NID1: variants seen among roughly 807,000 people sequenced by gnomAD.
NID1 encodes nidogen 1.
In NID1, 76 loss-of-function variants were observed where a neutral mutation model predicts 130.6. That is an observed-to-expected ratio of 0.58 (90% confidence interval 0.48 to 0.70). NID1 has a LOEUF of 0.70. NID1 is among the 30% of genes least tolerant of loss of function. The probability of loss-of-function intolerance (pLI) is 0.00; values close to 1 mark genes in which losing one functional copy is unlikely to be tolerated. For missense variants in NID1, 1,517 were observed against 1,664.8 expected, an observed-to-expected ratio of 0.91 and a Z score of 1.54; for synonymous variants, 665 against 675.1, an observed-to-expected ratio of 0.98 and a Z score of 0.23.
At chr1:235,995,265 T>C (rs1315311319) in intron 12 of NID1, among the ~76,000 whole-genome samples, 2 of 152,254 alleles carry the variant, frequency 1.3e-5, no homozygotes, top group Non-Finnish European at 2.9e-5. Context: ...CTAGGTATTA[T>C]AAGTGATCTA....
chr1:235,991,092 G>C (rs757845906), intron 13 of NID1, 34 bp from the exon 14 acceptor site: 4 of 1,531,506 alleles, frequency 2.6e-6, no homozygotes, highest in African/African-American at 1.4e-5. Context: ...AGGGAGGCCC[G>C]TGTGCACCAG....
chr1:236,007,821 T>C (rs746488319), intron 12 of NID1, among the ~76,000 whole-genome samples: 3 of 152,220 alleles, frequency 2.0e-5, no homozygotes, highest in Non-Finnish European at 4.4e-5. Flanking sequence ...AAGCTGCTCC[T>C]GAACTCCTGA....
chr1:236,028,386 T>C (rs925535789), intron 7 of NID1, among the ~76,000 whole-genome samples: 1 of 152,158 alleles, frequency 6.6e-6, no homozygotes, highest in Non-Finnish European at 1.5e-5. Flanking sequence ...AGTGTGCCTG[T>C]AGTCCCAGGT....
chr1:235,990,764 C>T (rs1218754584), intron 14 of NID1, 122 bp downstream of exon 14: 1 of 753,108 alleles, frequency 1.3e-6, no homozygotes, highest in Non-Finnish European at 1.8e-6. Context: ...CCCAGGACTA[C>T]ATGGAATGAG....
chr1:236,061,897 T>C (rs1345270069), intron 1 of NID1, among the ~76,000 whole-genome samples: 1 of 152,158 alleles, frequency 6.6e-6, no homozygotes, highest in Non-Finnish European at 1.5e-5. Flanking sequence ...CCCACTGGGA[T>C]GGCCATAAAT....
chr1:236,020,607 G>A (rs2102822459), intron 9 of NID1, among the ~76,000 whole-genome samples: 1 of 152,270 alleles, frequency 6.6e-6, no homozygotes, highest in Middle Eastern at 3.4e-3. Context: ...TGTTTGGGGT[G>A]TCATATACCA....
chr1:235,977,913 C>T lies in NID1; in HGVS notation c.3698G>A (p.Arg1233His), dbSNP rs369151660. Reference sequence around the variant, plus strand: ...AACTCCCAAGGTGTTGTCAGGGCAACGGCAGGTCCTGCTCCCTGGGGTGGC... The same window carrying T: ...AACTCCCAAGGTGTTGTCAGGGCAATGGCAGGTCCTGCTCCCTGGGGTGGC... ...CLATPGSRTC[R>H]CPDNTLGVDC... The change falls in exon 20 of 20, where the codon CGT becomes CAT. Residue 1233 changes from arginine (R) to histidine (H), a missense_variant. By Grantham distance (29) the Arg-to-His change is conservative. Around this residue, in one of 3 missense-constraint regions of NID1, gnomAD observed 181 missense variants for 211.3 expected, o/e 0.86. Transcript: ENST00000264187. 3.0e-5 allele frequency: 48 copies of T among 1,614,040 alleles called. No homozygotes were observed. The highest frequency in any genetic ancestry group is 1.6e-4 in the Middle Eastern group (1 of 6,082).
Position 236,032,535 on chromosome 1 carries a change from C to A in NID1, c.1403G>T (p.Arg468Leu), listed in dbSNP as rs751680686. The change falls in exon 6 of 20, where the codon CGC becomes CTC. Residue 468 changes from arginine (R) to leucine (L), a missense_variant. By Grantham distance (102) the Arg-to-Leu change is moderately radical (BLOSUM62 -2). Coordinates refer to ENST00000264187, the MANE Select transcript of NID1 (RefSeq NM_002508.3). Reference sequence around the variant, plus strand: ...AATGGTGCTGATGGCTGTGTAGGAGCGCCCGTGGTTCATTACTACGTAAGA... The same window carrying A: ...AATGGTGCTGATGGCTGTGTAGGAGAGCCCGTGGTTCATTACTACGTAAGA... ...LHSYVVMNHGRSYTAISTIPE... is the reference protein window; with the variant it reads ...LHSYVVMNHGLSYTAISTIPE... 1.2e-6 allele frequency: 2 copies of A among 1,614,124 alleles called. No homozygotes were observed. The highest frequency in any genetic ancestry group is 1.7e-5 in the Admixed American group (1 of 60,016).
At chr1:236,059,672 A>T (rs915352429) in intron 1 of NID1, among the ~76,000 whole-genome samples, 2 of 152,222 alleles carry the variant, frequency 1.3e-5, no homozygotes, top group Non-Finnish European at 2.9e-5. Context: ...TTAGTAAATA[A>T]AGCTTAGGGA....
intron 10 of NID1, among the ~76,000 whole-genome samples, chr1:236,016,186 G>A (rs1375273578): frequency 1.3e-5 from 2 of 151,920 alleles, no homozygotes; most frequent in East Asian, 1.9e-4. Flanking sequence ...CTTCAGCAGA[G>A]TGAAAATCTC....
intron 3 of NID1, among the ~76,000 whole-genome samples, chr1:236,044,057 G>C (rs1043013716): frequency 2.6e-5 from 4 of 152,182 alleles, no homozygotes; most frequent in Non-Finnish European, 5.9e-5. Context: ...TATATTATAC[G>C]GTGGACAGAG....
intron 1 of NID1, among the ~76,000 whole-genome samples, chr1:236,055,235 T>C (rs1352923564): frequency 1.3e-5 from 2 of 150,538 alleles, no homozygotes; most frequent in African/African-American, 4.9e-5. Context: ...ACCCGGGAGG[T>C]GGAGCTTGCA....
At position 236,045,365 on chromosome 1, in the gene NID1, A is replaced by G; in HGVS notation, c.752+92T>C. ...ATATGCAAAACTTAAATCCATAGGA[A>G]CATTTTTAGGTAATGATCTATAATA... On this transcript the variant is annotated intron_variant, in intron 3 of 19. Coordinates refer to ENST00000264187, the MANE Select transcript of NID1 (RefSeq NM_002508.3). The G allele has an allele frequency of 3.4e-6, 3 of 873,806 alleles. No individual in the cohort carries two copies. In the Admixed American group the frequency reaches 7.6e-5, roughly 22 times the overall value. 54.1% of individuals were successfully genotyped at this position (873,806 alleles called of 1,614,324 possible).
At chr1:236,044,618 A>C (rs956254367) in intron 3 of NID1, among the ~76,000 whole-genome samples, 1 of 152,318 alleles carries the variant, frequency 6.6e-6, no homozygotes, top group South Asian at 2.1e-4. Flanking sequence ...AGTGAAGGGC[A>C]GAGGAATTCA....
chr1:236,001,898 C>T (rs1658087164), intron 12 of NID1, among the ~76,000 whole-genome samples: 1 of 152,248 alleles, frequency 6.6e-6, no homozygotes, highest in Non-Finnish European at 1.5e-5. Flanking sequence ...CTGCCTTCCT[C>T]TCCCAAAATT....
chr1:236,003,686 A>ATGG (rs1658153593), intron 12 of NID1, among the ~76,000 whole-genome samples: 1 of 152,212 alleles, frequency 6.6e-6, no homozygotes. Context: ...CCTGGCAAAT[A>ATGG]TGGTGAAACC....
intron 12 of NID1, among the ~76,000 whole-genome samples, chr1:235,994,225 C>T (rs1007182455): frequency 2.6e-5 from 4 of 151,470 alleles, no homozygotes; most frequent in Admixed American, 6.6e-5. Context: ...TGCAGTGGCA[C>T]GATCTCGGCT....
At chr1:236,023,736 T>C (rs756876588) in intron 9 of NID1, among the ~76,000 whole-genome samples, 1 of 152,208 alleles carries the variant, frequency 6.6e-6, no homozygotes, top group Admixed American at 6.5e-5. Context: ...AAACAGTGCC[T>C]GGGTAAATTA....
intron 1 of NID1, among the ~76,000 whole-genome samples, chr1:236,049,405 G>A (rs192670882): frequency 6.6e-5 from 10 of 152,162 alleles, no homozygotes; most frequent in Admixed American, 2.0e-4. Flanking sequence ...CTTAAGCCCC[G>A]GGAGGTCAAA....
Sources: gnomAD v4.1 joint callset for allele counts (sites outside exome capture counted in the v4.1 genomes callset) on GRCh38, gnomAD v4.1.1 for gene constraint, gnomAD v4.1.1 regional missense constraint, MANE v1.5 for transcripts, NCBI Gene and HGNC (gene_info 2026-07-23, HGNC 2026-07-21) for gene names.